The following OR2AG2 variants were observed in gnomAD, a reference collection of about 807,000 sequenced individuals.
OR2AG2 encodes the protein olfactory receptor 2AG2.
For missense variants in OR2AG2, 390 were observed against 391.9 expected (o/e 1.00, Z 0.04); for synonymous variants, 167 against 157.1 (o/e 1.06, Z -0.47).
rs1847416671 is a variant in OR2AG2 at position 6,769,001 on chromosome 11, G to A, written c.-44C>T. On this transcript the variant is annotated 5_prime_UTR_variant, in exon 2 of 2. Transcript: ENST00000641124. ...CCTAGAACCAAATATATTATCAGTG[G>A]AAGCTTTTCTAAAGGTGTTCACTCT... is the stretch of plus-strand genomic sequence containing the variant. The A allele has an allele frequency of 2.1e-6, 3 of 1,433,792 alleles. No homozygotes were observed. Among genetic ancestry groups the A allele is most frequent in the East Asian group, 2.3e-5 (1 of 43,674 alleles). The allele number at this position is 1,433,792 out of a possible 1,614,324, so 88.8% of individuals were successfully genotyped here. A position where few individuals can be genotyped will look rare whatever the true frequency, so the allele number is the denominator to read the frequency against.
Position 6,768,903 on chromosome 11 carries a change from T to A in OR2AG2, c.55A>T (p.Asn19Tyr), listed in dbSNP as rs1847414732. ...AGCAGTTCAGGAGACCCACTGTCAT[T>A]CAGAATCCCCACCAAGATGAAGCCG... ...GSGFILVGIL[N>Y]DSGSPELLYA... is the part of the protein sequence containing the mutation. The change falls in exon 2 of 2, where the codon AAT (asparagine) becomes TAT (tyrosine). Residue 19 changes from asparagine to tyrosine, a missense_variant. Physicochemically the swap from Asn to Tyr is moderately radical, Grantham distance 143 (BLOSUM62 -2). Coordinates refer to ENST00000641124, the MANE Select transcript of OR2AG2 (RefSeq NM_001004490.2). The A allele has an allele frequency of 6.2e-7, 1 of 1,613,374 alleles. No homozygotes were observed. The highest frequency in any genetic ancestry group is 8.5e-7 in the Non-Finnish European group (1 of 1,179,512).
chr11:6,771,495 G>C (rs1847446693), intron 1 of OR2AG2, 127 bp downstream of exon 1: 1 of 152,236 alleles, frequency 6.6e-6, no homozygotes, highest in African/African-American at 2.4e-5. Context: ...ATATAGATGG[G>C]AGTGAGTGAA....
chr11:6,768,548 C>T lies in OR2AG2; in HGVS notation c.410G>A (p.Ser137Asn). The change falls in exon 2 of 2, where the codon AGC becomes AAC. Residue 137 changes from serine to asparagine, a missense_variant. Transcript: ENST00000641124. ...CHPLKYMTLMSPRVCWIMVAT... is the reference protein window; with the variant it reads ...CHPLKYMTLMNPRVCWIMVAT... ...CACCATGATCCAGCAGACTCTTGGG[C>T]TCATGAGGGTCATGTATTTCAGAGG... 2 of 1,614,084 alleles carry T rather than the reference C, an allele frequency of 1.2e-6. No individual in the cohort carries two copies. The highest frequency in any genetic ancestry group is 1.7e-6 in the Non-Finnish European group (2 of 1,180,012).
Position 6,768,650 on chromosome 11 carries a change from A to G in OR2AG2, c.308T>C (p.Leu103Pro). The G allele has an allele frequency of 4.3e-6, 7 of 1,614,230 alleles. No homozygotes were observed. The highest frequency in any genetic ancestry group is 5.9e-6 in the Non-Finnish European group (7 of 1,180,032). Residue 103 changes from leucine to proline, a missense_variant, in exon 2 of 2, where the codon CTG (leucine) becomes CCG (proline). By Grantham distance (98) the Leu-to-Pro change is moderately conservative. Transcript: ENST00000641124. The stretch of plus-strand genomic sequence containing the variant: ...CTCAGCGCTACCCATTGTCAGTGCC[A>G]GGAACATCTGAAGTGCACAGCCTCC... ...SFGGCALQMF[L>P]ALTMGSAEDL...
Position 6,768,088 on chromosome 11 carries a change from G to A in OR2AG2, c.870C>T (p.Tyr290=), listed in dbSNP as rs749740315. 4 of 1,614,024 alleles carry A rather than the reference G, an allele frequency of 2.5e-6. No homozygotes were observed. The African/African-American group carries it at 4.0e-5, about 16-fold the overall frequency. Residue 290 remains tyrosine (Y), a synonymous_variant, in exon 2 of 2, where the codon TAC becomes TAT. Transcript: ENST00000641124. ...GCATGACCTCCTTATTCCTCAGGCT[G>A]TAGATGAGTGGATTCAGGGCTGGAG... ...IVTPALNPLI[Y]SLRNKEVMRA... is the part of the protein sequence containing the mutation.
Position 6,766,109 on chromosome 11 carries a change from C to A in OR2AG2, c.*1898G>T, listed in dbSNP as rs1288081561. 3 of 152,054 alleles carry A rather than the reference C, an allele frequency of 2.0e-5. No individual in the cohort carries two copies. The highest frequency in any genetic ancestry group is 2.9e-5 in the Non-Finnish European group (2 of 68,000). The allele number at this position is 152,054 out of a possible 1,614,324, so 9.4% of individuals were successfully genotyped here. On this transcript the variant is annotated 3_prime_UTR_variant, in exon 2 of 2. Transcript: ENST00000641124. ...GTTTACTAAGCTGTGGTCTCAGTAC[C>A]TGATATTAATTATCTTATTTAATCT...
At position 6,768,843 on chromosome 11, in the gene OR2AG2, G is replaced by C; in HGVS notation, c.115C>G (p.Leu39Val). 1 of 1,614,144 alleles carries C rather than the reference G, an allele frequency of 6.2e-7. No individual in the cohort carries two copies. The highest frequency in any genetic ancestry group is 1.1e-5 in the South Asian group (1 of 91,082). The change falls in exon 2 of 2, where the codon CTG becomes GTG. Residue 39 changes from leucine (L) to valine (V), a missense_variant. By Grantham distance (32) the Leu-to-Val change is conservative. Coordinates refer to ENST00000641124, the MANE Select transcript of OR2AG2 (RefSeq NM_001004490.2). The stretch of plus-strand genomic sequence containing the variant: ...AGGAGCAGCAGACCATTGCTGGTCA[G>C]TGCCAACATGTATAGGATTGTAAAT... ...ATFTILYMLA[L>V]TSNGLLLLAI...
Position 6,769,078 on chromosome 11 carries a change from TATG to T in OR2AG2, c.-124_-122del. 1 of 629,262 alleles carries T rather than the reference TATG, an allele frequency of 1.6e-6. No individual in the cohort carries two copies. Among genetic ancestry groups the T allele is most frequent in the East Asian group, 2.8e-5 (1 of 36,196 alleles). The allele number at this position is 629,262 out of a possible 1,614,324, so 39.0% of individuals were successfully genotyped here. A position where few individuals can be genotyped will look rare whatever the true frequency, so the allele number is the denominator to read the frequency against. ...GCATTGGCCAATAGGAATCCCATAA[TATG>T]ATATATTTTCCATTTCTTAGTATGC... On this transcript the variant is annotated 5_prime_UTR_variant, in exon 2 of 2. Transcript: ENST00000641124.
intron 1 of OR2AG2, among the ~76,000 whole-genome samples, chr11:6,770,824 A>G (rs1589992559): frequency 6.6e-6 from 1 of 152,360 alleles, no homozygotes; most frequent in African/African-American, 2.4e-5. Context: ...ACAGGATTTC[A>G]AAGAGAAGAA....
chr11:6,771,370 CTT>C (rs1847445362), intron 1 of OR2AG2, among the ~76,000 whole-genome samples: 1 of 152,180 alleles, frequency 6.6e-6, no homozygotes, highest in Non-Finnish European at 1.5e-5. Flanking sequence ...AGTACTGAGA[CTT>C]TTACCAGGAG....
chr11:6,770,716 T>A (rs2119661889), intron 1 of OR2AG2, among the ~76,000 whole-genome samples: 1 of 152,344 alleles, frequency 6.6e-6, no homozygotes, highest in East Asian at 1.9e-4. Context: ...TGAAATGCCT[T>A]CATTTTTCTT....
rs574225375 is a variant in OR2AG2 at position 6,768,485 on chromosome 11, C to T, written c.473G>A (p.Gly158Glu). The T allele has an allele frequency of 6.2e-7, 1 of 1,614,036 alleles. No individual in the cohort carries two copies. Among genetic ancestry groups the T allele is most frequent in the South Asian group, 1.1e-5 (1 of 91,072 alleles). The change falls in exon 2 of 2, where the codon GGA becomes GAA. Residue 158 changes from glycine (G) to glutamate (E), a missense_variant. Transcript: ENST00000641124. ...GAGGTGCATAGTGTACATGGTATGT[C>T]CTATAGCAATCAGGGATGCCAGGAT... ...SWILASLIAI[G>E]HTMYTMHLPF...
In OR2AG2 at chr11:6,768,502, T is replaced by C; in HGVS notation, c.456A>G (p.Ala152=). 1.2e-6 allele frequency: 2 copies of C among 1,614,108 alleles called. No homozygotes were observed. The highest frequency in any genetic ancestry group is 1.7e-6 in the Non-Finnish European group (2 of 1,180,014). Residue 152 remains alanine, a synonymous_variant, in exon 2 of 2, where the codon GCA becomes GCG. Coordinates refer to ENST00000641124, the MANE Select transcript of OR2AG2 (RefSeq NM_001004490.2). ...WIMVATSWIL[A]SLIAIGHTMY... ...TGGTATGTCCTATAGCAATCAGGGA[T>C]GCCAGGATCCAGGATGTGGCCACCA... is the stretch of plus-strand genomic sequence containing the variant.
chr11:6,768,251 T>A lies in OR2AG2; in HGVS notation c.707A>T (p.Lys236Ile). Residue 236 changes from lysine (K) to isoleucine (I), a missense_variant, in exon 2 of 2, where the codon AAA (lysine) becomes ATA (isoleucine). Transcript: ENST00000641124. ...GTGGGAAGAGCAGGTGACAAGGGCT[T>A]TCTTCCTCCCCTCATTTGATGGCAT... ...LRMPSNEGRK[K>I]ALVTCSSHLI... 1 of 1,614,170 alleles carries A rather than the reference T, an allele frequency of 6.2e-7. No homozygotes were observed. The highest frequency in any genetic ancestry group is 8.5e-7 in the Non-Finnish European group (1 of 1,180,016).
chr11:6,768,794 A>C lies in OR2AG2; in HGVS notation c.164T>G (p.Leu55Arg), dbSNP rs1479552514. ...LLLAITIEAR[L>R]HMPMYLLLGQ... Reference sequence around the variant, plus strand: ...AAGCAGGAGGTACATGGGCATGTGGAGCCGGGCTTCTATGGTGATGGCCAG... The same window carrying C: ...AAGCAGGAGGTACATGGGCATGTGGCGCCGGGCTTCTATGGTGATGGCCAG... Residue 55 changes from leucine (L) to arginine (R), a missense_variant, in exon 2 of 2, where the codon CTC becomes CGC. Physicochemically the swap from Leu to Arg is moderately radical, Grantham distance 102. Transcript: ENST00000641124. 6.2e-7 allele frequency: 1 copy of C among 1,614,074 alleles called. No homozygotes were observed. Among genetic ancestry groups the C allele is most frequent in the Admixed American group, 1.7e-5 (1 of 60,012 alleles).
At position 6,770,676 on chromosome 11, in the gene OR2AG2, C is replaced by A. The variant is rs530087263; in HGVS notation, c.-538+946G>T. Among the ~76,000 whole-genome samples, 9 of 152,334 alleles carry A rather than the reference C, an allele frequency of 5.9e-5. No homozygotes were observed. In the South Asian group the frequency reaches 1.4e-3, roughly 25 times the overall value. On this transcript the variant is annotated intron_variant, in intron 1 of 1. Coordinates refer to ENST00000641124, the MANE Select transcript of OR2AG2 (RefSeq NM_001004490.2). ...CAAAAACACAAGTCCAAAGTCAATT[C>A]TAAGCACTATTTCTGCTAAATATTA...
In OR2AG2 at chr11:6,767,572, A is replaced by G. The variant is rs564685085; in HGVS notation, c.*435T>C. 9.2e-5 allele frequency: 15 copies of G among 162,676 alleles called. No individual in the cohort carries two copies. The East Asian group carries it at 2.7e-3, about 30-fold the overall frequency. The allele number at this position is 162,676 out of a possible 1,614,324, so 10.1% of individuals were successfully genotyped here. A position where few individuals can be genotyped will look rare whatever the true frequency, so the allele number is the denominator to read the frequency against. ...TATTAGTAGTTTAAGAATCTGCTTCAAAGGGAGTAGTCCTCCTCTGATGCT... is the reference window on the plus strand; with the variant it reads ...TATTAGTAGTTTAAGAATCTGCTTCGAAGGGAGTAGTCCTCCTCTGATGCT... On this transcript the variant is annotated 3_prime_UTR_variant, in exon 2 of 2. Transcript: ENST00000641124.
In OR2AG2 at chr11:6,769,095, T is replaced by C; in HGVS notation, c.-138A>G. The C allele has an allele frequency of 1.7e-6, 1 of 589,554 alleles. No individual in the cohort carries two copies. The highest frequency in any genetic ancestry group is 2.9e-6 in the Non-Finnish European group (1 of 341,552). 36.5% of individuals were successfully genotyped at this position (589,554 alleles called of 1,614,324 possible). On this transcript the variant is annotated 5_prime_UTR_variant, in exon 2 of 2. Transcript: ENST00000641124. ...TCCCATAATATGATATATTTTCCAT[T>C]TCTTAGTATGCCTCTGATTTCTGAA... is the stretch of plus-strand genomic sequence containing the variant.
chr11:6,771,048 A>G (rs1564898891), intron 1 of OR2AG2, among the ~76,000 whole-genome samples: 2 of 152,224 alleles, frequency 1.3e-5, no homozygotes, highest in Non-Finnish European at 2.9e-5. Flanking sequence ...TTTCAAACCA[A>G]GAGAAGTCAG....
Sources: gnomAD v4.1 joint callset for allele counts (sites outside exome capture counted in the v4.1 genomes callset) on GRCh38, gnomAD v4.1.1 for gene constraint, MANE v1.5 for transcripts, NCBI Gene and HGNC (gene_info 2026-07-23, HGNC 2026-07-21) for gene names.